The following DNAAF4 variants were observed in gnomAD, a reference collection of about 807,000 sequenced individuals.
DNAAF4 encodes dynein assembly factor 4, axonemal.
DNAAF4 carries 43 observed loss-of-function variants against 51.8 expected under a neutral mutation model. The observed-to-expected ratio is 0.83, with a 90% CI of 0.65 to 1.07. DNAAF4 has a LOEUF of 1.07. Among genes scored for constraint, DNAAF4 ranks in the 50% least tolerant of loss-of-function variants. DNAAF4 has a pLI of 0.00. For synonymous variants in DNAAF4, 194 were observed against 165.6 expected (o/e 1.17, Z -1.32); for missense variants, 581 against 493.0 (o/e 1.18, Z -1.69).
chr15:55,460,152 C>G (rs2058073383), intron 5 of DNAAF4, among the ~76,000 whole-genome samples: 1 of 150,230 alleles, frequency 6.7e-6, no homozygotes, highest in South Asian at 2.1e-4. Context: ...CTAGAACTCT[C>G]AAATTTATTT....
intron 4 of DNAAF4, among the ~76,000 whole-genome samples, chr15:55,478,539 T>G (rs550131027): frequency 1.3e-5 from 2 of 152,264 alleles, no homozygotes; most frequent in African/African-American, 4.8e-5. Flanking sequence ...AAGGACCCAG[T>G]CATTATCCCA....
chr15:55,491,338 C>G, intron 3 of DNAAF4, 82 bp from the exon 4 acceptor site: 1 of 1,395,788 alleles, frequency 7.2e-7, no homozygotes. Flanking sequence ...TAAACTGACC[C>G]AGGATGAGAT....
chr15:55,507,563 C>T (rs1333332456), intron 1 of DNAAF4, among the ~76,000 whole-genome samples: 2 of 152,142 alleles, frequency 1.3e-5, no homozygotes, highest in Non-Finnish European at 2.9e-5. Flanking sequence ...GAGAAACCAT[C>T]ATAAGTCAGG....
chr15:55,502,426 C>G (rs2058704393), intron 1 of DNAAF4, among the ~76,000 whole-genome samples: 1 of 152,140 alleles, frequency 6.6e-6, no homozygotes, highest in South Asian at 2.1e-4. Context: ...TTTCCTATGA[C>G]TTTTCATTCT....
intron 4 of DNAAF4, among the ~76,000 whole-genome samples, chr15:55,472,388 C>G (rs530165089): frequency 1.4e-4 from 21 of 152,126 alleles, no homozygotes; most frequent in Admixed American, 3.9e-4. Context: ...GAGGCCCAGG[C>G]AGGTTGATCA....
chr15:55,455,327 A>G (rs2058002020), intron 5 of DNAAF4, among the ~76,000 whole-genome samples: 1 of 149,218 alleles, frequency 6.7e-6, no homozygotes, highest in Non-Finnish European at 1.5e-5. Flanking sequence ...AAAGAAAAAT[A>G]TAACTGAACC....
chr15:55,480,424 C>T (rs900656757), intron 4 of DNAAF4, among the ~76,000 whole-genome samples: 1 of 152,090 alleles, frequency 6.6e-6, no homozygotes, highest in Non-Finnish European at 1.5e-5. Context: ...ACAAGCTAAC[C>T]TACATGTTCA....
chr15:55,450,901 C>T (rs2057922205), intron 5 of DNAAF4, among the ~76,000 whole-genome samples: 1 of 152,142 alleles, frequency 6.6e-6, no homozygotes, highest in Non-Finnish European at 1.5e-5. Context: ...AGTTCAAGAC[C>T]AGCCTGGCCA....
intron 9 of DNAAF4, among the ~76,000 whole-genome samples, chr15:55,431,268 G>A (rs2057488898): frequency 6.6e-6 from 1 of 151,894 alleles, no homozygotes; most frequent in Non-Finnish European, 1.5e-5. Context: ...TATACATAGA[G>A]CTAAATTACA....
intron 2 of DNAAF4, 111 bp from the exon 3 acceptor site, chr15:55,497,970 T>C: frequency 5.7e-6 from 8 of 1,412,956 alleles, no homozygotes; most frequent in South Asian, 1.4e-5. Flanking sequence ...ACTAAATTTA[T>C]GCCAGGTAGT....
At chr15:55,481,446 A>T (rs2058409306) in intron 4 of DNAAF4, among the ~76,000 whole-genome samples, 1 of 152,098 alleles carries the variant, frequency 6.6e-6, no homozygotes, top group South Asian at 2.1e-4. Context: ...TTTTTGGACC[A>T]TTTTTGTTTA....
downstream of DNAAF4, among the ~76,000 whole-genome samples, chr15:55,427,605 A>T (rs1176520587): frequency 6.6e-6 from 1 of 151,254 alleles, no homozygotes; most frequent in Non-Finnish European, 1.5e-5. Flanking sequence ...CAGTTTAGGG[A>T]GGGTCAGAAT....
In DNAAF4 at chr15:55,498,461, T is replaced by C. The variant is rs2058669829; in HGVS notation, c.-132A>G. 7.2e-7 allele frequency: 1 copy of C among 1,395,970 alleles called. No homozygotes were observed. Among genetic ancestry groups the C allele is most frequent in the Admixed American group, 2.8e-5 (1 of 35,930 alleles). 86.5% of individuals were successfully genotyped at this position (1,395,970 alleles called of 1,614,324 possible). A position where few individuals can be genotyped will look rare whatever the true frequency, so the allele number is the denominator to read the frequency against. On this transcript the variant is annotated 5_prime_UTR_variant, in exon 2 of 10. Transcript: ENST00000321149. ...CGGGAGCCCGGCGTTCCCAGCGTGC[T>C]CCGGCGCCAGCACCTCGCGGACTCC...
intron 4 of DNAAF4, 165 bp downstream of exon 4, chr15:55,490,958 A>G (rs1393963621): frequency 2.7e-6 from 2 of 741,736 alleles, no homozygotes; most frequent in Non-Finnish European, 4.0e-6. Context: ...GGTCTCAAGA[A>G]AAAAAAAAAC....
chr15:55,421,358 C>T (rs1416634008), intron 7 of DNAAF4, among the ~76,000 whole-genome samples: 1 of 151,852 alleles, frequency 6.6e-6, no homozygotes, highest in Non-Finnish European at 1.5e-5. Context: ...AAATGCTTAG[C>T]CAGGCATGGT....
chr15:55,507,463 T>C (rs2058732820), intron 1 of DNAAF4, among the ~76,000 whole-genome samples: 1 of 152,162 alleles, frequency 6.6e-6, no homozygotes, highest in Non-Finnish European at 1.5e-5. Flanking sequence ...GTATTAAAAA[T>C]GAAAAACAGA....
intron 8 of DNAAF4, among the ~76,000 whole-genome samples, chr15:55,433,597 G>T (rs1324775949): frequency 7.7e-5 from 10 of 130,694 alleles, no homozygotes; most frequent in African/African-American, 3.0e-4. Flanking sequence ...CTGTACTCCA[G>T]CCTGGGCAAC....
intron 4 of DNAAF4, among the ~76,000 whole-genome samples, chr15:55,470,877 G>C (rs1339364813): frequency 9.1e-6 from 1 of 109,360 alleles, no homozygotes. Flanking sequence ...TTTGAGACAA[G>C]GTCTTGTTCT....
chr15:55,447,390 C>G (rs1156248465), intron 6 of DNAAF4, among the ~76,000 whole-genome samples: 1 of 152,054 alleles, frequency 6.6e-6, no homozygotes, highest in African/African-American at 2.4e-5. Flanking sequence ...CAGGCAGAGG[C>G]TGTAATCTTA....
Sources: allele counts gnomAD v4.1 joint callset (sites outside exome capture counted in the v4.1 genomes callset), GRCh38; gene constraint gnomAD v4.1.1; transcripts MANE v1.5; gene names NCBI Gene and HGNC (gene_info 2026-07-23, HGNC 2026-07-21).